Variants in SEZ6L observed in about 807,000 individuals in gnomAD.
SEZ6L encodes seizure related 6 homolog like.
In SEZ6L, 37 loss-of-function variants were observed where a neutral mutation model predicts 106.2. The observed-to-expected ratio is 0.35, with a 90% confidence interval of 0.27 to 0.46. The LOEUF is 0.46. SEZ6L is among the 20% of genes least tolerant of loss of function. The pLI is 1.00. For missense variants in SEZ6L, 1,172 were observed against 1,332.8 expected (o/e 0.88, Z 1.88); for synonymous variants, 541 against 570.4 (o/e 0.95, Z 0.73).
chr22:26,223,095 C>T (rs954825039), intron 1 of SEZ6L, among the ~76,000 whole-genome samples: 1 of 152,166 alleles, frequency 6.6e-6, no homozygotes, highest in Non-Finnish European at 1.5e-5. Flanking sequence ...TTTGTGGCCA[C>T]CTCCACCGTA....
At position 26,382,115 on chromosome 22, in the gene SEZ6L, C is replaced by CATG. The variant is rs1471610890; in HGVS notation, c.*1822_*1824dup. 7.8e-6 allele frequency: 4 copies of CATG among 510,210 alleles called. No individual in the cohort carries two copies. Among genetic ancestry groups the CATG allele is most frequent in the African/African-American group, 3.9e-5 (2 of 51,560 alleles). The allele number at this position is 510,210 out of a possible 1,614,324, so 31.6% of individuals were successfully genotyped here. ...AATCTTGCACATATACTCCTGAAGG[C>CATG]ATGAGTGTGTGGTCCATGGCAAGAA... On this transcript the variant is annotated 3_prime_UTR_variant, in exon 17 of 17. Coordinates refer to ENST00000248933, the MANE Select transcript of SEZ6L (RefSeq NM_021115.5).
chr22:26,188,687 A>C (rs964155823), intron 1 of SEZ6L, among the ~76,000 whole-genome samples: 1 of 152,184 alleles, frequency 6.6e-6, no homozygotes, highest in African/African-American at 2.4e-5. Context: ...CTTTGCACAA[A>C]GGAACCCTTG....
At chr22:26,250,537 T>C (rs1209694) in intron 1 of SEZ6L, among the ~76,000 whole-genome samples, 114,661 of 152,060 alleles carry the variant, frequency 0.75, 43,916 homozygotes, top group East Asian at 0.99. Context: ...GTTTTTATGC[T>C]GGCACCATGC....
chr22:26,326,957 G>A (rs574186154), intron 9 of SEZ6L, among the ~76,000 whole-genome samples: 106 of 152,324 alleles, frequency 7.0e-4, no homozygotes, highest in South Asian at 4.6e-3. Context: ...GAGTTCCCAC[G>A]CCAGGCGGGG....
rs754001153 is a variant in SEZ6L, at chr22:26,311,954, T to G, written c.1868T>G (p.Leu623Arg). The G allele has an allele frequency of 5.0e-6, 8 of 1,613,666 alleles. No individual in the cohort carries two copies. The Admixed American group carries it at 1.3e-4, about 27-fold the overall frequency. The change falls in exon 8 of 17, where the codon CTG becomes CGG. Residue 623 changes from leucine (L) to arginine (R), a missense_variant. Transcript: ENST00000248933. ...CCATACTGGAATGACACAGAGCCCCTGTGCAGAGGTGAGCGGATCCACAAC... is the reference window on the plus strand; with the variant it reads ...CCATACTGGAATGACACAGAGCCCCGGTGCAGAGGTGAGCGGATCCACAAC... Reference protein sequence around the residue: ...RDPYWNDTEPLCRAMCGGELS... With the variant: ...RDPYWNDTEPRCRAMCGGELS...
intron 1 of SEZ6L, among the ~76,000 whole-genome samples, chr22:26,187,574 C>T (rs997369700): frequency 1.3e-5 from 2 of 152,114 alleles, no homozygotes; most frequent in Non-Finnish European, 2.9e-5. Context: ...GCAGACTTGC[C>T]GTCTTAAACA....
At chr22:26,236,012 C>G (rs368778219) in intron 1 of SEZ6L, among the ~76,000 whole-genome samples, 2 of 152,224 alleles carry the variant, frequency 1.3e-5, no homozygotes, top group African/African-American at 2.4e-5. Flanking sequence ...CTTGGCCTGG[C>G]CTTGGCCCTG....
chr22:26,362,281 G>T (rs2083660943), intron 12 of SEZ6L, among the ~76,000 whole-genome samples: 1 of 152,188 alleles, frequency 6.6e-6, no homozygotes, highest in African/African-American at 2.4e-5. Context: ...GAATGCCAGG[G>T]GGCAAACTTC....
chr22:26,340,814 T>G (rs1244193258), intron 10 of SEZ6L, among the ~76,000 whole-genome samples, 182 bp downstream of exon 10: 1 of 152,242 alleles, frequency 6.6e-6, no homozygotes, highest in Non-Finnish European at 1.5e-5. Flanking sequence ...GTTTGAGCCC[T>G]AGCACGGTCA....
chr22:26,220,930 T>G lies in SEZ6L; in HGVS notation c.94+51167T>G, dbSNP rs138246146. 2.0e-5 allele frequency among the ~76,000 whole-genome samples: 3 copies of G among 150,728 alleles called. No individual in the cohort carries two copies. The East Asian group carries it at 5.9e-4, about 29-fold the overall frequency. On this transcript the variant is annotated intron_variant, in intron 1 of 16. Coordinates refer to ENST00000248933, the MANE Select transcript of SEZ6L (RefSeq NM_021115.5). ...ATGGATGGATGGATGGATGGATGGG[T>G]GGATGGATGGATGATGAGTGGTTGA...
At chr22:26,365,895 A>G (rs1055203079) in intron 13 of SEZ6L, among the ~76,000 whole-genome samples, 34 of 151,972 alleles carry the variant, frequency 2.2e-4, no homozygotes, top group African/African-American at 8.0e-4. Flanking sequence ...AAATTTTAAA[A>G]TAATAGAGCT....
At chr22:26,207,501 C>T (rs1444379089) in intron 1 of SEZ6L, among the ~76,000 whole-genome samples, 1 of 152,170 alleles carries the variant, frequency 6.6e-6, no homozygotes, top group Non-Finnish European at 1.5e-5. Context: ...CAAATGTTAG[C>T]TATCATCATA....
intron 12 of SEZ6L, among the ~76,000 whole-genome samples, chr22:26,364,419 C>G (rs912004760): frequency 2.0e-5 from 2 of 100,938 alleles, no homozygotes; most frequent in African/African-American, 9.2e-5. Context: ...GACCCTGTCT[C>G]TACTTTAAAA....
intron 9 of SEZ6L, among the ~76,000 whole-genome samples, chr22:26,333,374 G>A (rs1046896760): frequency 2.0e-5 from 3 of 152,172 alleles, no homozygotes; most frequent in Admixed American, 2.0e-4. Flanking sequence ...GGCAGGCGGG[G>A]CAGAAATCCC....
intron 13 of SEZ6L, among the ~76,000 whole-genome samples, chr22:26,368,018 G>A (rs1302576621): frequency 6.6e-6 from 1 of 152,212 alleles, no homozygotes; most frequent in African/African-American, 2.4e-5. Flanking sequence ...ATCAGTAATA[G>A]TAACGGAAAT....
intron 1 of SEZ6L, among the ~76,000 whole-genome samples, chr22:26,176,675 G>T (rs1273959267): frequency 6.6e-6 from 1 of 152,122 alleles, no homozygotes; most frequent in African/African-American, 2.4e-5. Flanking sequence ...TAAAATGAGA[G>T]GATTAGATTT....
At chr22:26,193,059 A>T (rs1940342105) in intron 1 of SEZ6L, among the ~76,000 whole-genome samples, 1 of 152,236 alleles carries the variant, frequency 6.6e-6, no homozygotes, top group Admixed American at 6.5e-5. Context: ...TGAAATGTGA[A>T]ATCGCAGATT....
intron 1 of SEZ6L, among the ~76,000 whole-genome samples, chr22:26,284,578 CCAGCCTTGATGA>C (rs1192997166): frequency 7.3e-6 from 1 of 137,542 alleles, no homozygotes; most frequent in Non-Finnish European, 1.5e-5. Flanking sequence ...CCGCTGCACT[CCAGCCTTGATGA>C]CAGATCAGGA....
intron 13 of SEZ6L, 80 bp downstream of exon 13, chr22:26,365,646 C>T: frequency 7.3e-7 from 1 of 1,364,382 alleles, no homozygotes; most frequent in East Asian, 2.4e-5. Context: ...TCTGAACTTG[C>T]TCTAAAAAAT....
Sources: gnomAD v4.1 joint callset for allele counts (sites outside exome capture counted in the v4.1 genomes callset) on GRCh38, gnomAD v4.1.1 for gene constraint, MANE v1.5 for transcripts, NCBI Gene and HGNC (gene_info 2026-07-23, HGNC 2026-07-21) for gene names.